DPP8: variants seen among roughly 807,000 people sequenced by gnomAD.
DPP8 encodes dipeptidyl peptidase 8.
Under a neutral mutation model 107.5 loss-of-function variants are expected in DPP8, and 31 were observed. The ratio of observed to expected loss-of-function variants is 0.29; its 90% CI spans 0.22 to 0.39. The LOEUF (loss-of-function observed/expected upper bound fraction) is 0.39, where lower values mean the gene tolerates loss of function less well. Ranked by LOEUF, DPP8 falls within the 10% of genes least tolerant of loss-of-function variation. The pLI, the probability that DPP8 is intolerant of heterozygous loss-of-function variation, is 1.00. For missense variants in DPP8, 842 were observed against 1,076.1 expected (o/e 0.78, Z 3.04); for synonymous variants, 381 against 356.6 (o/e 1.07, Z -0.77).
intron 2 of DPP8, among the ~76,000 whole-genome samples, chr15:65,511,081 C>G (rs2070712497): frequency 6.6e-6 from 1 of 152,032 alleles, no homozygotes; most frequent in Non-Finnish European, 1.5e-5. Context: ...ATATATATAC[C>G]CTTTTTCCCA....
chr15:65,467,953 T>C (rs1332493556), intron 12 of DPP8, among the ~76,000 whole-genome samples: 1 of 152,194 alleles, frequency 6.6e-6, no homozygotes, highest in Non-Finnish European at 1.5e-5. Context: ...TGGTCTTTTG[T>C]ACAAATTTGC....
intron 15 of DPP8, among the ~76,000 whole-genome samples, chr15:65,457,878 C>G (rs917187117): frequency 6.6e-6 from 1 of 152,110 alleles, no homozygotes; most frequent in African/African-American, 2.4e-5. Flanking sequence ...ACTACAGCCT[C>G]GAACTCCTGG....
chr15:65,487,696 T>C lies in DPP8; in HGVS notation c.949A>G (p.Lys317Glu). The change falls in exon 7 of 20, where the codon AAA becomes GAA. Residue 317 changes from lysine (K) to glutamate (E), a missense_variant. Coordinates refer to ENST00000300141, the MANE Select transcript of DPP8 (RefSeq NM_130434.5). ...TGCCAATGGAGTACAGTACCTGTTT[T>C]AGGATAACGGAATGAATCTGCCCTC... ...TRRADSFRYP[K>E]TGTANPKVTF... 1 of 1,608,504 alleles carries C rather than the reference T, an allele frequency of 6.2e-7. No individual in the cohort carries two copies. The highest frequency in any genetic ancestry group is 8.5e-7 in the Non-Finnish European group (1 of 1,177,792).
chr15:65,506,046 G>T (rs1337547665), intron 3 of DPP8, among the ~76,000 whole-genome samples: 1 of 151,200 alleles, frequency 6.6e-6, no homozygotes, highest in Non-Finnish European at 1.5e-5. Context: ...GAAATACTCG[G>T]CCAAGGCCGG....
chr15:65,450,264 G>A (rs1022811298), intron 19 of DPP8, among the ~76,000 whole-genome samples: 1 of 151,912 alleles, frequency 6.6e-6, no homozygotes, highest in African/African-American at 2.4e-5. Context: ...CACTGTGCCG[G>A]GCTGATAGTT....
intron 8 of DPP8, among the ~76,000 whole-genome samples, chr15:65,481,882 A>G (rs536682081): frequency 3.9e-5 from 6 of 152,266 alleles, no homozygotes; most frequent in Non-Finnish European, 7.4e-5. Flanking sequence ...ACACTTGATA[A>G]TAACTAGTAA....
intron 15 of DPP8, among the ~76,000 whole-genome samples, chr15:65,457,737 T>C (rs912762761): frequency 2.0e-5 from 3 of 152,150 alleles, no homozygotes; most frequent in Non-Finnish European, 4.4e-5. Context: ...AGGAGAATAA[T>C]GTTTTTTTCC....
At chr15:65,509,423 A>C (rs1421552618) in intron 2 of DPP8, among the ~76,000 whole-genome samples, 1 of 152,218 alleles carries the variant, frequency 6.6e-6, no homozygotes, top group Non-Finnish European at 1.5e-5. Context: ...ATGACCAGTA[A>C]AAATTTCCCC....
chr15:65,501,434 C>T (rs1283251076), intron 3 of DPP8, among the ~76,000 whole-genome samples: 1 of 152,176 alleles, frequency 6.6e-6, no homozygotes, highest in Admixed American at 6.5e-5. Flanking sequence ...ACTTCTAAGT[C>T]AAGTGGTTTG....
intron 15 of DPP8, among the ~76,000 whole-genome samples, chr15:65,457,414 G>A (rs2064526106): frequency 6.6e-6 from 1 of 151,852 alleles, no homozygotes; most frequent in Admixed American, 6.6e-5. Context: ...CTCCAGGCTG[G>A]AGTGCAGTGG....
At chr15:65,505,743 A>T (rs543615655) in intron 3 of DPP8, among the ~76,000 whole-genome samples, 1 of 151,668 alleles carries the variant, frequency 6.6e-6, no homozygotes, top group African/African-American at 2.4e-5. Context: ...TGAGGCCAAG[A>T]GTTCGAGACC....
intron 8 of DPP8, among the ~76,000 whole-genome samples, chr15:65,483,832 G>A (rs1203440596): frequency 1.3e-5 from 2 of 151,930 alleles, no homozygotes; most frequent in Admixed American, 6.6e-5. Context: ...CAATCAAAAT[G>A]TTCATCACCT....
At chr15:65,506,505 G>A (rs1203315225) in intron 3 of DPP8, among the ~76,000 whole-genome samples, 1 of 150,990 alleles carries the variant, frequency 6.6e-6, no homozygotes, top group East Asian at 2.0e-4. Context: ...TCTCAGCACT[G>A]TGGGAAGCCG....
At chr15:65,461,140 G>A (rs1445832017) in intron 15 of DPP8, among the ~76,000 whole-genome samples, 1 of 151,866 alleles carries the variant, frequency 6.6e-6, no homozygotes, top group African/African-American at 2.4e-5. Flanking sequence ...ACTCATATAA[G>A]GAATCCTTTA....
intron 3 of DPP8, among the ~76,000 whole-genome samples, chr15:65,503,767 C>T (rs981217604): frequency 6.6e-6 from 1 of 152,072 alleles, no homozygotes; most frequent in African/African-American, 2.4e-5. Flanking sequence ...GGATTACAGG[C>T]ACCTGCCATC....
chr15:65,450,188 G>A (rs1041984656), intron 19 of DPP8, among the ~76,000 whole-genome samples: 9 of 151,986 alleles, frequency 5.9e-5, no homozygotes, highest in African/African-American at 2.2e-4. Context: ...GGCTGGTCTC[G>A]AACTCCTGAC....
chr15:65,451,507 G>A (rs1286391400), intron 18 of DPP8, among the ~76,000 whole-genome samples: 1 of 152,106 alleles, frequency 6.6e-6, no homozygotes, highest in Non-Finnish European at 1.5e-5. Context: ...CTGTAATTCA[G>A]TTTTAAGAAA....
At chr15:65,455,784 T>C (rs1381433921) in intron 16 of DPP8, 1 of 1,288,932 alleles carries the variant, frequency 7.8e-7, no homozygotes, top group Non-Finnish European at 1.0e-6. Context: ...ATTCTCATCA[T>C]TTCCCAAAGC....
In DPP8 at chr15:65,456,238, A is replaced by C; in HGVS notation, c.2105T>G (p.Phe702Cys). The C allele has an allele frequency of 6.2e-7, 1 of 1,608,302 alleles. No homozygotes were observed. Among genetic ancestry groups the C allele is most frequent in the Middle Eastern group, 1.7e-4 (1 of 6,030 alleles). ...ATGCTCACACACCATTTTATATTTA[A>C]AGGCGCCTTCAAATTTAAGCCCTCG... Reference protein sequence around the residue: ...CHRGLKFEGAFKYKMGQIEID... With the variant: ...CHRGLKFEGACKYKMGQIEID... Residue 702 changes from phenylalanine to cysteine, a missense_variant, in exon 16 of 20, where the codon TTT (phenylalanine) becomes TGT (cysteine). This residue lies in a region of DPP8 where 179 missense variants were observed against 318.0 expected (regional missense o/e 0.56). Coordinates refer to ENST00000300141, the MANE Select transcript of DPP8 (RefSeq NM_130434.5).
Sources: allele counts gnomAD v4.1 joint callset (sites outside exome capture counted in the v4.1 genomes callset), GRCh38; gene constraint gnomAD v4.1.1; regional missense constraint gnomAD v4.1.1; transcripts MANE v1.5; gene names NCBI Gene and HGNC (gene_info 2026-07-23, HGNC 2026-07-21).